Variants in ARHGEF2 observed in about 807,000 individuals in gnomAD.
ARHGEF2 encodes the protein Rho/Rac guanine nucleotide exchange factor 2, also known as rho guanine nucleotide exchange factor 2.
In ARHGEF2, 22 loss-of-function variants were observed where a neutral mutation model predicts 121.0. The observed-to-expected ratio is 0.18, with a 90% CI of 0.13 to 0.26. The LOEUF (loss-of-function observed/expected upper bound fraction) is 0.26. Ranked by LOEUF, ARHGEF2 falls within the 10% of genes least tolerant of loss-of-function variation. The pLI is 1.00. For synonymous variants in ARHGEF2, 487 were observed against 530.0 expected, an observed-to-expected ratio of 0.92 and a Z score of 1.11; for missense variants, 907 against 1,336.0, an observed-to-expected ratio of 0.68 and a Z score of 5.01.
chr1:155,977,214 G>A (rs1681452791), intron 1 of ARHGEF2, among the ~76,000 whole-genome samples: 2 of 152,180 alleles, frequency 1.3e-5, no homozygotes, highest in Non-Finnish European at 2.9e-5. Context: ...TGTCCTTTCT[G>A]ATAATGGGTA....
rs1299252651 is a variant in ARHGEF2 at position 155,966,467 on chromosome 1, C to T, written c.289G>A (p.Ala97Thr). 6.2e-7 allele frequency: 1 copy of T among 1,614,130 alleles called. No homozygotes were observed. Among genetic ancestry groups the T allele is most frequent in the African/African-American group, 1.3e-5 (1 of 75,026 alleles). The change falls in exon 4 of 22, where the codon GCC becomes ACC. Residue 97 changes from alanine (A) to threonine (T), a missense_variant. Coordinates refer to ENST00000361247, the MANE Select transcript of ARHGEF2 (RefSeq NM_001162383.2). The part of the protein sequence containing the change: ...TKVKQKQQKA[A>T]LLKNNTALQS... ...AAGGCGGTGTTGTTCTTCAGCAGGGCCGCTTTCTGTTGCTGTGAGACAGAG... is the reference window on the plus strand; with the variant it reads ...AAGGCGGTGTTGTTCTTCAGCAGGGTCGCTTTCTGTTGCTGTGAGACAGAG...
chr1:155,948,534 G>A (rs886363889), intron 21 of ARHGEF2, among the ~76,000 whole-genome samples: 1 of 152,104 alleles, frequency 6.6e-6, no homozygotes, highest in African/African-American at 2.4e-5. Context: ...GGGAGGCTGA[G>A]GAACAAGAAT....
intron 1 of ARHGEF2, chr1:155,977,969 G>T: frequency 5.3e-6 from 3 of 565,022 alleles, no homozygotes; most frequent in Non-Finnish European, 6.8e-6. Context: ...GCCACGCCAA[G>T]CCCAAGCCGG....
At position 155,947,982 on chromosome 1, in the gene ARHGEF2, G is replaced by T; in HGVS notation, c.2921C>A (p.Thr974Lys). The T allele has an allele frequency of 1.9e-6, 3 of 1,551,136 alleles. No individual in the cohort carries two copies. Among genetic ancestry groups the T allele is most frequent in the East Asian group, 2.4e-5 (1 of 41,048 alleles). ...TACAGCCTCCCCGTCGCGGCTCTCC[G>T]TCTCCTCCGGGATGTCCTGCATTCT... ...FTRMQDIPEE[T>K]ESRDGEAVAS... Residue 974 changes from threonine (T) to lysine (K), a missense_variant, in exon 22 of 22, where the codon ACG becomes AAG. By Grantham distance (78) the Thr-to-Lys change is moderately conservative. Coordinates refer to ENST00000361247, the MANE Select transcript of ARHGEF2 (RefSeq NM_001162383.2).
At chr1:155,964,194 A>G (rs1172087432) in intron 7 of ARHGEF2, among the ~76,000 whole-genome samples, 8 of 123,916 alleles carry the variant, frequency 6.5e-5, no homozygotes, top group Non-Finnish European at 1.2e-4. Context: ...ATATATATAT[A>G]TATACATATA....
chr1:155,959,510 A>G (rs1210173714), intron 11 of ARHGEF2, among the ~76,000 whole-genome samples: 2 of 151,236 alleles, frequency 1.3e-5, no homozygotes, highest in Non-Finnish European at 2.9e-5. Flanking sequence ...GGCCTGCCGA[A>G]GTGCTGGGAT....
chr1:155,964,631 A>C (rs1490664341), intron 7 of ARHGEF2, among the ~76,000 whole-genome samples: 1 of 152,054 alleles, frequency 6.6e-6, no homozygotes, highest in Non-Finnish European at 1.5e-5. Flanking sequence ...GGTAGAAAGA[A>C]GGACACAGCC....
In ARHGEF2 at chr1:155,961,675, G is replaced by A. The variant is rs759581451; in HGVS notation, c.1454C>T (p.Thr485Met). ...GCAGGTCTGACCTTTGAAGCGCCCC[G>A]TCGCTGTCTTCCAGAGCAGGCAGCC... is the stretch of plus-strand genomic sequence containing the variant. ...HDGCLLWKTA[T>M]GRFKDVLVLL... Residue 485 changes from threonine (T) to methionine (M), a missense_variant, in exon 11 of 22, where the codon ACG (threonine) becomes ATG (methionine). Physicochemically the swap from Thr to Met is moderately conservative, Grantham distance 81. This residue lies in a region of ARHGEF2 where 475 missense variants were observed against 776.5 expected (regional missense o/e 0.61). Transcript: ENST00000361247. The surrounding 1 kb of genome is among the most constrained non-coding windows in gnomAD (Gnocchi z 4.7). 13 of 1,611,754 alleles carry A rather than the reference G, an allele frequency of 8.1e-6. No individual in the cohort carries two copies. Among genetic ancestry groups the A allele is most frequent in the East Asian group, 2.2e-5 (1 of 44,892 alleles).
chr1:155,969,875 C>T, intron 1 of ARHGEF2: 2 of 985,820 alleles, frequency 2.0e-6, no homozygotes, highest in Non-Finnish European at 2.4e-6. Flanking sequence ...CACCCCCAAC[C>T]CAGGGGTCAG....
rs374990075 is a variant in ARHGEF2, at chr1:155,952,869, G to A, written c.1784-41C>T. 9.0e-5 allele frequency: 145 copies of A among 1,605,308 alleles called. 1 individual carries two copies. In the Middle Eastern group the frequency reaches 1.5e-3, roughly 16 times the overall value. On this transcript the variant is annotated intron_variant, in intron 14 of 21. Coordinates refer to ENST00000361247, the MANE Select transcript of ARHGEF2 (RefSeq NM_001162383.2). ...AAGTGAGGACATGAGAGGACGTAGG[G>A]GTATGCAAGAGCGCCAGTAGAGGAC...
intron 1 of ARHGEF2, among the ~76,000 whole-genome samples, chr1:155,971,922 T>C (rs1680555395): frequency 6.7e-6 from 1 of 149,964 alleles, no homozygotes; most frequent in African/African-American, 2.5e-5. Context: ...TATACACACA[T>C]AAGTAAAAGC....
Position 155,961,309 on chromosome 1 carries a change from G to C in ARHGEF2, c.1468+352C>G, listed in dbSNP as rs1677859102. Among the ~76,000 whole-genome samples, 1 of 138,460 alleles carries C rather than the reference G, an allele frequency of 7.2e-6. No individual in the cohort carries two copies. The highest frequency in any genetic ancestry group is 2.3e-4 in the South Asian group (1 of 4,336). The allele number at this position is 138,460 out of a possible 152,430, so 90.8% of individuals were successfully genotyped here. A position where few individuals can be genotyped will look rare whatever the true frequency, so the allele number is the denominator to read the frequency against. On this transcript the variant is annotated intron_variant, in intron 11 of 21. Coordinates refer to ENST00000361247, the MANE Select transcript of ARHGEF2 (RefSeq NM_001162383.2). The surrounding 1 kb of genome is among the most constrained non-coding windows in gnomAD (Gnocchi z 4.7). ...TTTTTTTTTGAGATGGAGTCTTGCTGTGTCACCCAGGCTAGAGTGCAGTGG... is the reference window on the plus strand; with the variant it reads ...TTTTTTTTTGAGATGGAGTCTTGCTCTGTCACCCAGGCTAGAGTGCAGTGG...
At chr1:155,955,046 C>G in intron 13 of ARHGEF2, 77 bp from the exon 14 acceptor site, 1 of 1,224,172 alleles carries the variant, frequency 8.2e-7, no homozygotes, top group Non-Finnish European at 1.2e-6. Flanking sequence ...CCCTCCTTCC[C>G]AAACATGCCT....
Position 155,952,830 on chromosome 1 carries a change from T to G in ARHGEF2, c.1784-2A>C, listed in dbSNP as rs2102634542. On this transcript the variant is annotated splice_acceptor_variant, in intron 14 of 21. Coordinates refer to ENST00000361247, the MANE Select transcript of ARHGEF2 (RefSeq NM_001162383.2). LOFTEE classifies it high-confidence loss of function. ...CCCGGTCCTTCTGCTGCAACTCCACTGCAGATAAGGAACAAGTGAGGACAT... is the reference window on the plus strand; with the variant it reads ...CCCGGTCCTTCTGCTGCAACTCCACGGCAGATAAGGAACAAGTGAGGACAT... The G allele has an allele frequency of 6.2e-7, 1 of 1,613,898 alleles. No individual in the cohort carries two copies. Among genetic ancestry groups the G allele is most frequent in the Middle Eastern group, 1.6e-4 (1 of 6,062 alleles).
intron 1 of ARHGEF2, among the ~76,000 whole-genome samples, chr1:155,971,453 C>T (rs1268944218): frequency 6.6e-6 from 1 of 151,700 alleles, no homozygotes; most frequent in Non-Finnish European, 1.5e-5. Flanking sequence ...GTGGCAGGCA[C>T]CTGTAATCCC....
intron 13 of ARHGEF2, among the ~76,000 whole-genome samples, chr1:155,955,259 G>T (rs1365552130): frequency 6.6e-6 from 1 of 152,010 alleles, no homozygotes; most frequent in Non-Finnish European, 1.5e-5. Context: ...TGAGTAGCTA[G>T]GATTACAGGC....
chr1:155,961,829 A>G lies in ARHGEF2; in HGVS notation c.1300T>C (p.Tyr434His). 6.2e-7 allele frequency: 1 copy of G among 1,614,102 alleles called. No homozygotes were observed. Among genetic ancestry groups the G allele is most frequent in the Non-Finnish European group, 8.5e-7 (1 of 1,180,016 alleles). Reference protein sequence around the residue: ...ELLSNVDEGIYQLEKGARLQE... With the variant: ...ELLSNVDEGIHQLEKGARLQE... ...AGACGGGCCCCTTTCTCCAGCTGAT[A>G]AATACCCTCGTCCACATTGGACAGC... Residue 434 changes from tyrosine to histidine, a missense_variant, in exon 11 of 22, where the codon TAT becomes CAT. This residue lies in a region of ARHGEF2 where 475 missense variants were observed against 776.5 expected (regional missense o/e 0.61). Coordinates refer to ENST00000361247, the MANE Select transcript of ARHGEF2 (RefSeq NM_001162383.2). This position sits in a 1 kb window ranked among gnomAD's most constrained non-coding sequence, Gnocchi z 4.7.
In ARHGEF2 at chr1:155,948,869, G is replaced by T. The variant is rs560618066; in HGVS notation, c.2888-854C>A. Reference sequence around the variant, plus strand: ...TCACGGAGTACTGTCAACTCAACCTGCTGGGCTCAAGTGATCCTCTCACCT... The same window carrying T: ...TCACGGAGTACTGTCAACTCAACCTTCTGGGCTCAAGTGATCCTCTCACCT... On this transcript the variant is annotated intron_variant, in intron 21 of 21. Transcript: ENST00000361247. 7.9e-5 allele frequency among the ~76,000 whole-genome samples: 12 copies of T among 152,244 alleles called. No individual in the cohort carries two copies. The South Asian group carries it at 2.5e-3, about 32-fold the overall frequency.
At chr1:155,971,836 C>T (rs1227679814) in intron 1 of ARHGEF2, among the ~76,000 whole-genome samples, 1 of 151,208 alleles carries the variant, frequency 6.6e-6, no homozygotes, top group Non-Finnish European at 1.5e-5. Flanking sequence ...TCGCTTGAGG[C>T]CAGGAGTTTG....
Sources: allele counts gnomAD v4.1 joint callset (sites outside exome capture counted in the v4.1 genomes callset), GRCh38; gene constraint gnomAD v4.1.1; regional missense constraint gnomAD v4.1.1; non-coding constraint Gnocchi (gnomAD v3.1); transcripts MANE v1.5; gene names NCBI Gene and HGNC (gene_info 2026-07-23, HGNC 2026-07-21).